The following PEBP4 variants were observed in gnomAD, a reference collection of about 807,000 sequenced individuals.
PEBP4 encodes the protein phosphatidylethanolamine binding protein 4.
In PEBP4, 22 loss-of-function variants were observed where a neutral mutation model predicts 23.9. That is an observed-to-expected ratio of 0.92 (90% CI 0.66 to 1.31). PEBP4 has a LOEUF of 1.31. Among genes scored for constraint, PEBP4 ranks in the 40% most tolerant of loss-of-function variants. PEBP4 has a pLI of 0.00. For missense variants in PEBP4, 324 were observed against 281.7 expected (o/e 1.15, Z -1.07); for synonymous variants, 112 against 99.3 (o/e 1.13, Z -0.76).
chr8:22,773,815 G>T (rs1805762992), intron 4 of PEBP4, among the ~76,000 whole-genome samples: 1 of 152,070 alleles, frequency 6.6e-6, no homozygotes, highest in African/African-American at 2.4e-5. Context: ...CAACCGTGGG[G>T]GTCCTTGCTT....
intron 4 of PEBP4, among the ~76,000 whole-genome samples, chr8:22,756,507 C>T (rs953961285): frequency 2.0e-5 from 3 of 151,986 alleles, no homozygotes; most frequent in Non-Finnish European, 4.4e-5. Flanking sequence ...TGGCCCTGGC[C>T]CCAGCCCCAC....
chr8:22,803,921 G>A (rs1806441312), intron 4 of PEBP4, among the ~76,000 whole-genome samples: 1 of 152,168 alleles, frequency 6.6e-6, no homozygotes, highest in South Asian at 2.1e-4. Context: ...CTCTCTCCAT[G>A]GCCACGGCTC....
intron 4 of PEBP4, among the ~76,000 whole-genome samples, chr8:22,807,402 CT>C (rs1806520216): frequency 6.6e-6 from 1 of 152,140 alleles, no homozygotes; most frequent in Non-Finnish European, 1.5e-5. Flanking sequence ...TGGGGAATCA[CT>C]GCAGTTCTTC....
chr8:22,722,941 T>A (rs1804548750), intron 6 of PEBP4, among the ~76,000 whole-genome samples: 1 of 77,978 alleles, frequency 1.3e-5, no homozygotes, highest in African/African-American at 4.7e-5. Flanking sequence ...CTGGGCTAAT[T>A]TTTTTTTTTT....
chr8:22,902,872 G>C (rs1808738316), intron 3 of PEBP4, among the ~76,000 whole-genome samples: 1 of 152,234 alleles, frequency 6.6e-6, no homozygotes, highest in East Asian at 1.9e-4. Context: ...CAGGAGAACA[G>C]AAGCTCCAAA....
intron 6 of PEBP4, among the ~76,000 whole-genome samples, chr8:22,715,642 G>A (rs1383319897): frequency 6.6e-6 from 1 of 152,230 alleles, no homozygotes; most frequent in African/African-American, 2.4e-5. Context: ...GGAAGCCTCT[G>A]AGCCTTCAGT....
chr8:22,756,072 G>A (rs908343284), intron 4 of PEBP4: 6 of 152,242 alleles, frequency 3.9e-5, no homozygotes, highest in Non-Finnish European at 7.3e-5. Context: ...ATTCAGCGGG[G>A]AAGTTGGCTA....
At chr8:22,713,652 G>A (rs1804355345) in intron 6 of PEBP4, 116 bp from the exon 7 acceptor site, 1 of 1,420,848 alleles carries the variant, frequency 7.0e-7, no homozygotes, top group Non-Finnish European at 9.7e-7. Flanking sequence ...GTGATGCGAT[G>A]GCCATGGGGC....
intron 4 of PEBP4, among the ~76,000 whole-genome samples, chr8:22,769,323 G>C (rs1805672444): frequency 6.6e-6 from 1 of 152,202 alleles, no homozygotes; most frequent in African/African-American, 2.4e-5. Context: ...CCAGCCCTCT[G>C]GGGCTTATCT....
chr8:22,817,511 C>G (rs1206683428), intron 4 of PEBP4, 126 bp downstream of exon 4: 7 of 853,380 alleles, frequency 8.2e-6, no homozygotes, highest in African/African-American at 6.6e-5. Context: ...TAGCTGAGCA[C>G]TGGGGGAGAT....
At chr8:22,870,940 G>A (rs941802738) in intron 3 of PEBP4, among the ~76,000 whole-genome samples, 4 of 152,176 alleles carry the variant, frequency 2.6e-5, no homozygotes, top group African/African-American at 9.7e-5. Context: ...GATGGCCATT[G>A]ATGAAGGTGG....
At chr8:22,837,836 T>C (rs1807236898) in intron 3 of PEBP4, among the ~76,000 whole-genome samples, 1 of 152,118 alleles carries the variant, frequency 6.6e-6, no homozygotes, top group South Asian at 2.1e-4. Context: ...TATTCTGCTA[T>C]GTATTTGGTT....
At chr8:22,902,907 A>G (rs1429435499) in intron 3 of PEBP4, among the ~76,000 whole-genome samples, 1 of 152,236 alleles carries the variant, frequency 6.6e-6, no homozygotes, top group African/African-American at 2.4e-5. Context: ...ATCCTGCAGC[A>G]TAGCCTTGCG....
At chr8:22,931,839 C>T (rs775633441), upstream of PEBP4, among the ~76,000 whole-genome samples, 3 of 152,174 alleles carry the variant, frequency 2.0e-5, no homozygotes, top group Non-Finnish European at 4.4e-5. Context: ...TGATTCTAAA[C>T]TCTGGTCCCT....
At chr8:22,734,448 A>G (rs1171986768) in intron 4 of PEBP4, among the ~76,000 whole-genome samples, 1 of 152,104 alleles carries the variant, frequency 6.6e-6, no homozygotes, top group African/African-American at 2.4e-5. Flanking sequence ...ATGGCCAATT[A>G]TTTTGTGGAC....
At position 22,824,023 on chromosome 8, in the gene PEBP4, T is replaced by G. The variant is rs112853964; in HGVS notation, c.259-6288A>C. 1.3e-4 allele frequency among the ~76,000 whole-genome samples: 19 copies of G among 148,584 alleles called. 1 individual carries two copies. Among genetic ancestry groups the G allele is most frequent in the South Asian group, 2.1e-4 (1 of 4,698 alleles). On this transcript the variant is annotated intron_variant, in intron 3 of 6. Transcript: ENST00000256404. ...ACAATGGGTAGATCTCCAAATCCTA[T>G]GAACTCTATAATGTCATTGTCTATT... is the stretch of plus-strand genomic sequence containing the variant.
intron 4 of PEBP4, among the ~76,000 whole-genome samples, chr8:22,755,071 G>A (rs904906634): frequency 6.6e-6 from 1 of 152,204 alleles, no homozygotes; most frequent in Admixed American, 6.5e-5. Context: ...GGCCCAAGAG[G>A]CCATTATTCC....
At chr8:22,802,760 T>A (rs1448673227) in intron 4 of PEBP4, among the ~76,000 whole-genome samples, 1 of 152,200 alleles carries the variant, frequency 6.6e-6, no homozygotes, top group Non-Finnish European at 1.5e-5. Context: ...TTGTTTTATG[T>A]GTTTGGAGAC....
At chr8:22,873,452 T>C (rs1563244740) in intron 3 of PEBP4, among the ~76,000 whole-genome samples, 1 of 150,316 alleles carries the variant, frequency 6.7e-6, no homozygotes, top group Non-Finnish European at 1.5e-5. Flanking sequence ...ACTGAGATAC[T>C]ATCTGTGTGA....
Sources: gnomAD v4.1 joint callset for allele counts (sites outside exome capture counted in the v4.1 genomes callset) on GRCh38, gnomAD v4.1.1 for gene constraint, MANE v1.5 for transcripts, NCBI Gene and HGNC (gene_info 2026-07-23, HGNC 2026-07-21) for gene names.